The following SNX30 variants were observed in gnomAD, a reference collection of about 807,000 sequenced individuals.
SNX30 encodes the protein sorting nexin family member 30, also known as sorting nexin-30.
In SNX30, 24 loss-of-function variants were observed where a neutral mutation model predicts 46.4. The ratio of observed to expected loss-of-function variants is 0.52; its 90% CI spans 0.37 to 0.73. SNX30 has a LOEUF of 0.73. Among genes scored for constraint, SNX30 ranks in the 30% least tolerant of loss-of-function variants. SNX30 has a pLI of 0.00. For synonymous variants in SNX30, 189 were observed against 211.5 expected (o/e 0.89, Z 0.92); for missense variants, 533 against 555.7 (o/e 0.96, Z 0.41).
At position 112,838,549 on chromosome 9, in the gene SNX30, C is replaced by T; in HGVS notation, c.866C>T (p.Ala289Val). The T allele has an allele frequency of 6.2e-7, 1 of 1,614,134 alleles. No homozygotes were observed. The highest frequency in any genetic ancestry group is 1.1e-5 in the South Asian group (1 of 91,076). Residue 289 changes from alanine to valine, a missense_variant, in exon 6 of 9, where the codon GCC (alanine) becomes GTC (valine). By Grantham distance (64) the Ala-to-Val change is moderately conservative. Around this residue, in one of 3 missense-constraint regions of SNX30, gnomAD observed 261 missense variants for 270.9 expected, o/e 0.96. Coordinates refer to ENST00000374232, the MANE Select transcript of SNX30 (RefSeq NM_001012994.2). ...GGGCCTGTGTACTCCACATGGAGCG[C>T]CTTGGAGGGTGAGCTGGCTGAACCC... ...EYGPVYSTWS[A>V]LEGELAEPLE...
intron 6 of SNX30, among the ~76,000 whole-genome samples, chr9:112,849,969 A>G (rs1426428030): frequency 6.6e-6 from 1 of 152,234 alleles, no homozygotes; most frequent in African/African-American, 2.4e-5. Flanking sequence ...ACCTTTCTAG[A>G]AGGTCTACTG....
chr9:112,847,807 G>A (rs1840962165), intron 6 of SNX30, among the ~76,000 whole-genome samples: 1 of 152,206 alleles, frequency 6.6e-6, no homozygotes, highest in South Asian at 2.1e-4. Context: ...CATCTTGTGA[G>A]TGTGAGGCCC....
At chr9:112,768,262 C>A (rs558278213) in intron 1 of SNX30, among the ~76,000 whole-genome samples, 4 of 152,308 alleles carry the variant, frequency 2.6e-5, no homozygotes, top group African/African-American at 9.6e-5. Context: ...CTTTCCCACC[C>A]GTGCTAAGCT....
chr9:112,750,158 C>G (rs186514548), upstream of SNX30, among the ~76,000 whole-genome samples: 1 of 152,326 alleles, frequency 6.6e-6, no homozygotes, highest in Admixed American at 6.5e-5. Context: ...CTCATGCTCG[C>G]TGTTCTGAGG....
rs1197460350 is a variant in SNX30, at chr9:112,787,271, C to G, written c.157-17505C>G. On this transcript the variant is annotated intron_variant, in intron 1 of 8. Transcript: ENST00000374232. ...TGAGTGCCACAAAACTAGTACTGTA[C>G]AGGGAGAACCTGTTCTGTACGGGGA... 8.5e-5 allele frequency among the ~76,000 whole-genome samples: 13 copies of G among 152,190 alleles called. 1 individual carries two copies. Among genetic ancestry groups the G allele is most frequent in the Admixed American group, 8.5e-4 (13 of 15,290 alleles).
rs114089458 is a variant in SNX30, at chr9:112,760,725, T to G, written c.156+9568T>G. ...TTGTTAATACTGTTTTCAATTTGGT[T>G]TGCCACTTGAAACTTAAATTACCAA... is the stretch of plus-strand genomic sequence containing the variant. On this transcript the variant is annotated intron_variant, in intron 1 of 8. Transcript: ENST00000374232. Among the ~76,000 whole-genome samples the G allele has an allele frequency of 3.5e-3, 533 of 152,358 alleles. 4 individuals are homozygous for G. The highest frequency in any genetic ancestry group is 0.013 in the African/African-American group (522 of 41,588).
chr9:112,824,551 T>G (rs567451411), intron 3 of SNX30, among the ~76,000 whole-genome samples: 1 of 151,534 alleles, frequency 6.6e-6, no homozygotes, highest in African/African-American at 2.4e-5. Context: ...TTTAAGTACC[T>G]TAAACAACAG....
intron 1 of SNX30, among the ~76,000 whole-genome samples, chr9:112,760,232 C>G (rs1203174435): frequency 6.6e-6 from 1 of 152,098 alleles, no homozygotes; most frequent in Non-Finnish European, 1.5e-5. Flanking sequence ...CCAGGAGCTT[C>G]TGTGAGAACT....
At chr9:112,768,128 C>A (rs570014560) in intron 1 of SNX30, among the ~76,000 whole-genome samples, 1 of 152,262 alleles carries the variant, frequency 6.6e-6, no homozygotes, top group African/African-American at 2.4e-5. Context: ...AGTAATGGTC[C>A]AAGTCCTTAG....
intron 2 of SNX30, among the ~76,000 whole-genome samples, chr9:112,812,255 A>G (rs1432535286): frequency 6.6e-6 from 1 of 151,994 alleles, no homozygotes; most frequent in East Asian, 1.9e-4. Context: ...GCATCCATTT[A>G]TTTATTTATT....
chr9:112,804,205 C>T (rs1365794021), intron 1 of SNX30, among the ~76,000 whole-genome samples: 2 of 152,158 alleles, frequency 1.3e-5, no homozygotes, highest in Admixed American at 1.3e-4. Flanking sequence ...GCTCTTGTTG[C>T]CCAGGTTGGA....
intron 1 of SNX30, among the ~76,000 whole-genome samples, chr9:112,773,819 A>G (rs906565181): frequency 1.3e-5 from 2 of 152,240 alleles, no homozygotes; most frequent in Non-Finnish European, 2.9e-5. Flanking sequence ...CTCACAATAA[A>G]TATTCACAAT....
intron 2 of SNX30, among the ~76,000 whole-genome samples, chr9:112,813,349 A>C (rs1480032749): frequency 6.6e-6 from 1 of 151,984 alleles, no homozygotes; most frequent in East Asian, 1.9e-4. Flanking sequence ...ATATGGTGGC[A>C]TGTGCCTGTA....
At chr9:112,862,416 G>T (rs1841253397) in intron 7 of SNX30, among the ~76,000 whole-genome samples, 1 of 152,232 alleles carries the variant, frequency 6.6e-6, no homozygotes, top group African/African-American at 2.4e-5. Context: ...GCCTGTGCCT[G>T]TGGGGAGGTG....
rs141891100 is a variant in SNX30 at position 112,835,337 on chromosome 9, T to G, written c.619-877T>G. ...TTTATCAGGCAGGCTAATATGCTTT[T>G]CTTTTTTGCCCAGGCTGGAGTGAAG... On this transcript the variant is annotated intron_variant, in intron 4 of 8. Transcript: ENST00000374232. Among the ~76,000 whole-genome samples the G allele has an allele frequency of 2.0e-5, 3 of 152,270 alleles. No homozygotes were observed. The East Asian group carries it at 5.8e-4, about 29-fold the overall frequency.
At chr9:112,795,804 T>A (rs1470140848) in intron 1 of SNX30, among the ~76,000 whole-genome samples, 1 of 114,588 alleles carries the variant, frequency 8.7e-6, no homozygotes, top group African/African-American at 3.0e-5. Flanking sequence ...CACGCACACA[T>A]GATGAGCAAG....
In SNX30 at chr9:112,873,016, G is replaced by GT. The variant is rs1166594795; in HGVS notation, c.*4176dup. 1 of 152,206 alleles carries GT rather than the reference G, an allele frequency of 6.6e-6. No individual in the cohort carries two copies. The highest frequency in any genetic ancestry group is 1.9e-4 in the East Asian group (1 of 5,194). The allele number at this position is 152,206 out of a possible 1,614,324, so 9.4% of individuals were successfully genotyped here. On this transcript the variant is annotated 3_prime_UTR_variant, in exon 9 of 9. Coordinates refer to ENST00000374232, the MANE Select transcript of SNX30 (RefSeq NM_001012994.2). ...CCACCCTGTAGATTGTCAGCTTTTT[G>GT]TTTGAGAGATGCCTGGTCTCACAGT...
chr9:112,807,686 A>T (rs1564275529), intron 2 of SNX30, among the ~76,000 whole-genome samples: 1 of 152,224 alleles, frequency 6.6e-6, no homozygotes, highest in Non-Finnish European at 1.5e-5. Context: ...GTGCTTGCCC[A>T]CTGTGACATT....
At chr9:112,758,306 A>G (rs1044987282) in intron 1 of SNX30, among the ~76,000 whole-genome samples, 33 of 150,398 alleles carry the variant, frequency 2.2e-4, no homozygotes, top group Non-Finnish European at 4.4e-4. Context: ...ACTCCCATCA[A>G]TATTTAAACA....
Sources: allele counts gnomAD v4.1 joint callset (sites outside exome capture counted in the v4.1 genomes callset), GRCh38; gene constraint gnomAD v4.1.1; regional missense constraint gnomAD v4.1.1; transcripts MANE v1.5; gene names NCBI Gene and HGNC (gene_info 2026-07-23, HGNC 2026-07-21).